RGS22: variants seen among roughly 807,000 people sequenced by gnomAD.
The protein encoded by RGS22 is regulator of G-protein signaling 22.
Under a neutral mutation model 172.9 loss-of-function variants are expected in RGS22, and 148 were observed. The observed-to-expected ratio is 0.86, with a 90% CI of 0.75 to 0.98. The LOEUF is 0.98. RGS22 is among the 50% of genes least tolerant of loss of function. The pLI, the probability that RGS22 is intolerant of heterozygous loss-of-function variation, is 0.00. For missense variants in RGS22, 1,347 were observed against 1,440.8 expected (o/e 0.93, Z 1.05); for synonymous variants, 458 against 480.2 (o/e 0.95, Z 0.60).
rs539716948 is a variant in RGS22, at chr8:99,998,640, A to T, written c.2949+622T>A. 1.8e-3 allele frequency among the ~76,000 whole-genome samples: 267 copies of T among 145,882 alleles called. 2 individuals carry two copies. Among genetic ancestry groups the T allele is most frequent in the East Asian group, 4.5e-3 (23 of 5,154 alleles). The stretch of plus-strand genomic sequence containing the variant: ...GGGAATTTTGACTCCATGCTTTTTT[A>T]AAAAAAAATTATTATTATTATTATT... On this transcript the variant is annotated intron_variant, in intron 19 of 27. Coordinates refer to ENST00000360863, the MANE Select transcript of RGS22 (RefSeq NM_015668.5).
intron 2 of RGS22, among the ~76,000 whole-genome samples, chr8:100,098,304 AAAGAG>A (rs1813141503): frequency 6.6e-6 from 1 of 152,224 alleles, no homozygotes; most frequent in Non-Finnish European, 1.5e-5. Context: ...CATGAAACCT[AAAGAG>A]AAAAGACTAA....
At chr8:99,971,262 C>T (rs1183477990) in intron 23 of RGS22, among the ~76,000 whole-genome samples, 1 of 152,126 alleles carries the variant, frequency 6.6e-6, no homozygotes, top group Non-Finnish European at 1.5e-5. Flanking sequence ...AAACCCATAG[C>T]CAATATCATA....
chr8:100,075,433 A>T (rs1414052226), intron 4 of RGS22, among the ~76,000 whole-genome samples: 1 of 152,212 alleles, frequency 6.6e-6, no homozygotes, highest in African/African-American at 2.4e-5. Context: ...TGAGGCCCTC[A>T]CCAGAAGCAG....
At position 100,105,879 on chromosome 8, in the gene RGS22, T is replaced by C; in HGVS notation, c.25+18A>G. On this transcript the variant is annotated intron_variant, in intron 1 of 27. Coordinates refer to ENST00000360863, the MANE Select transcript of RGS22 (RefSeq NM_015668.5). ...ACGCCGCGGGCTGATCCTCTGTCCC[T>C]GTGGGGCCGCCACCTACCCGCGGTG... The C allele has an allele frequency of 1.3e-6, 2 of 1,503,946 alleles. No homozygotes were observed. Among genetic ancestry groups the C allele is most frequent in the East Asian group, 2.9e-5 (1 of 34,962 alleles). 93.2% of individuals were successfully genotyped at this position (1,503,946 alleles called of 1,614,324 possible).
At chr8:100,060,402 G>GTA (rs72050805) in intron 9 of RGS22, among the ~76,000 whole-genome samples, 3,179 of 102,902 alleles carry the variant, frequency 0.031, 380 homozygotes, top group Middle Eastern at 0.071. Context: ...TTAGCTACGT[G>GTA]TATATATATA....
In RGS22 at chr8:100,066,213, A is replaced by G. The variant is rs200474479; in HGVS notation, c.678T>C (p.Cys226=). 1 of 1,613,582 alleles carries G rather than the reference A, an allele frequency of 6.2e-7. No homozygotes were observed. The highest frequency in any genetic ancestry group is 1.1e-5 in the South Asian group (1 of 91,062). ...QTVSTFSLPC[C]VPYNKLKSPA... is the part of the protein sequence containing the mutation. ...GTGATTTAAGTTTGTTGTAGGGTAC[A>G]CAACAGGGTAACGAAAAGGTTGATA... Residue 226 remains cysteine (C), a synonymous_variant, in exon 7 of 28, where the codon TGT becomes TGC. Transcript: ENST00000360863.
In RGS22 at chr8:100,106,009, C is replaced by G. The variant is rs1813916607; in HGVS notation, c.-88G>C. The G allele has an allele frequency of 2.5e-6, 3 of 1,201,536 alleles. No homozygotes were observed. In the East Asian group the frequency reaches 1.1e-4, roughly 43 times the overall value. The allele number at this position is 1,201,536 out of a possible 1,614,324, so 74.4% of individuals were successfully genotyped here. On this transcript the variant is annotated 5_prime_UTR_variant, in exon 1 of 28. Transcript: ENST00000360863. ...AGCGCGGGTCAGGGCCTGAGCGACG[C>G]GGCGACGGCGCGCGGGCTCCGGAGC...
chr8:100,009,833 T>C (rs1367813484), intron 14 of RGS22, among the ~76,000 whole-genome samples: 3 of 152,200 alleles, frequency 2.0e-5, no homozygotes, highest in Non-Finnish European at 2.9e-5. Context: ...GAGTACTCCA[T>C]CTACTGCATC....
Position 100,047,513 on chromosome 8 carries a change from C to T in RGS22, c.1773G>A (p.Lys591=). The T allele has an allele frequency of 1.9e-6, 3 of 1,612,882 alleles. No homozygotes were observed. Among genetic ancestry groups the T allele is most frequent in the East Asian group, 2.2e-5 (1 of 44,824 alleles). The change falls in exon 11 of 28, where the codon AAG becomes AAA. Residue 591 remains lysine, a synonymous_variant. Coordinates refer to ENST00000360863, the MANE Select transcript of RGS22 (RefSeq NM_015668.5). Reference sequence around the variant, plus strand: ...AAGAACCTGGATACAAAAGCTCCCGCTTCCAAGGCTTTTGAGTTGCTGTTT... The same window carrying T: ...AAGAACCTGGATACAAAAGCTCCCGTTTCCAAGGCTTTTGAGTTGCTGTTT... The part of the protein sequence containing the change: ...EVKTATQKPW[K]RELLYPGSSK...
intron 20 of RGS22, 51 bp downstream of exon 20, chr8:99,996,411 C>G (rs764302890): frequency 6.7e-7 from 1 of 1,490,406 alleles, no homozygotes; most frequent in South Asian, 1.1e-5. Context: ...AAAAACAATA[C>G]TTTGACAGAG....
chr8:100,036,015 G>A (rs1819421483), intron 14 of RGS22, among the ~76,000 whole-genome samples: 1 of 152,108 alleles, frequency 6.6e-6, no homozygotes, highest in South Asian at 2.1e-4. Flanking sequence ...TAAATGACAA[G>A]TTGATGGGTG....
In RGS22 at chr8:100,051,395, T is replaced by A. The variant is rs559651187; in HGVS notation, c.1689+1407A>T. ...GAGTGACATGATTTTATATATATTTTTATATATATATTTATTATATATATA... is the reference window on the plus strand; with the variant it reads ...GAGTGACATGATTTTATATATATTTATATATATATATTTATTATATATATA... On this transcript the variant is annotated intron_variant, in intron 10 of 27. Transcript: ENST00000360863. 2.5e-3 allele frequency among the ~76,000 whole-genome samples: 313 copies of A among 126,346 alleles called. 1 individual carries two copies. The highest frequency in any genetic ancestry group is 6.1e-3 in the African/African-American group (212 of 34,796). The allele number at this position is 126,346 out of a possible 152,430, so 82.9% of individuals were successfully genotyped here.
chr8:99,972,681 A>G (rs1001085027), intron 23 of RGS22, among the ~76,000 whole-genome samples: 9 of 152,196 alleles, frequency 5.9e-5, no homozygotes, highest in African/African-American at 1.9e-4. Context: ...TTAGAGAAAT[A>G]AAAATCAAAA....
intron 4 of RGS22, among the ~76,000 whole-genome samples, chr8:100,072,718 A>T (rs1247707663): frequency 2.0e-5 from 3 of 152,206 alleles, no homozygotes. Flanking sequence ...CTGATACAAA[A>T]GTTAACAATG....
chr8:99,975,831 A>C (rs1314473897), intron 23 of RGS22, among the ~76,000 whole-genome samples: 3 of 151,998 alleles, frequency 2.0e-5, no homozygotes, highest in Admixed American at 6.6e-5. Flanking sequence ...TACAGGTGGG[A>C]GCTACCTCAC....
At chr8:100,046,349 T>C (rs1820714564) in intron 11 of RGS22, 1 of 151,958 alleles carries the variant, frequency 6.6e-6, no homozygotes, top group Non-Finnish European at 1.5e-5. Context: ...GCCGTAACAA[T>C]GTATAGTTTT....
At chr8:100,072,114 A>T in intron 5 of RGS22, 31 bp downstream of exon 5, 20 of 1,292,240 alleles carry the variant, frequency 1.5e-5, no homozygotes, top group Non-Finnish European at 2.0e-5. Context: ...ATATGTATTT[A>T]AAAATACATA....
At chr8:100,017,531 G>A (rs1171438063) in intron 14 of RGS22, among the ~76,000 whole-genome samples, 1 of 152,042 alleles carries the variant, frequency 6.6e-6, no homozygotes, top group Non-Finnish European at 1.5e-5. Context: ...CTGAATTATG[G>A]AACTAAAATC....
At chr8:100,062,528 A>G in intron 9 of RGS22, 63 bp downstream of exon 9, 1 of 1,123,406 alleles carries the variant, frequency 8.9e-7, no homozygotes, top group Non-Finnish European at 1.3e-6. Flanking sequence ...TAAGACAAAA[A>G]AAGTATAACT....
Sources: gnomAD v4.1 joint callset for allele counts (sites outside exome capture counted in the v4.1 genomes callset) on GRCh38, gnomAD v4.1.1 for gene constraint, MANE v1.5 for transcripts, NCBI Gene and HGNC (gene_info 2026-07-23, HGNC 2026-07-21) for gene names.